IDO2: variants seen among roughly 807,000 people sequenced by gnomAD.
IDO2 encodes the protein indoleamine 2,3-dioxygenase 2, also known as indoleamine 2,3-dioxygenase-like 1 protein.
A neutral mutation model predicts 45.1 loss-of-function variants in IDO2; 46 were observed. The observed-to-expected ratio is 1.02, with a 90% CI of 0.80 to 1.30. The LOEUF is 1.30. IDO2 is among the 50% of genes most tolerant of loss of function. The pLI, the probability that IDO2 is intolerant of heterozygous loss-of-function variation, is 0.00. For synonymous variants in IDO2, 218 were observed against 184.9 expected (o/e 1.18, Z -1.45); for missense variants, 544 against 491.8 (o/e 1.11, Z -1.00).
chr8:39,959,194 G>A (rs899927454), intron 2 of IDO2, among the ~76,000 whole-genome samples: 4 of 150,454 alleles, frequency 2.7e-5, no homozygotes, highest in Non-Finnish European at 4.4e-5. Flanking sequence ...TGCAAGCTCT[G>A]CCTCCCAGGT....
At chr8:39,941,204 A>G (rs1189643142) in intron 1 of IDO2, among the ~76,000 whole-genome samples, 3 of 135,664 alleles carry the variant, frequency 2.2e-5, no homozygotes, top group Non-Finnish European at 4.6e-5. Flanking sequence ...CCTGGGTGAC[A>G]AAGCAAGACT....
chr8:39,951,505 C>T (rs1039705049), intron 2 of IDO2, among the ~76,000 whole-genome samples: 4 of 152,162 alleles, frequency 2.6e-5, no homozygotes, highest in African/African-American at 4.8e-5. Flanking sequence ...CTAAGTTGCA[C>T]TTAATAGCTC....
At chr8:39,958,666 G>A (rs1243010125) in intron 2 of IDO2, among the ~76,000 whole-genome samples, 2 of 152,066 alleles carry the variant, frequency 1.3e-5, no homozygotes, top group African/African-American at 4.8e-5. Context: ...GGCCAGGCTC[G>A]TCTTGAACCT....
intron 9 of IDO2, among the ~76,000 whole-genome samples, chr8:40,010,802 A>G (rs1157689223): frequency 6.6e-6 from 1 of 152,218 alleles, no homozygotes; most frequent in Non-Finnish European, 1.5e-5. Context: ...CAGTTTGGGG[A>G]CACGGTCATA....
At chr8:40,009,959 G>GGCAC (rs1802285844) in intron 9 of IDO2, among the ~76,000 whole-genome samples, 1 of 152,106 alleles carries the variant, frequency 6.6e-6, no homozygotes, top group African/African-American at 2.4e-5. Context: ...CCTACCCCAT[G>GGCAC]TCAGTTCTAG....
chr8:39,935,492 C>T (rs1326709616), intron 1 of IDO2, among the ~76,000 whole-genome samples: 8 of 151,926 alleles, frequency 5.3e-5, no homozygotes, highest in Non-Finnish European at 1.0e-4. Context: ...ACTCTGTTGC[C>T]AGGCTGGAGT....
At chr8:40,013,352 A>G (rs1802336199) in intron 9 of IDO2, among the ~76,000 whole-genome samples, 2 of 152,170 alleles carry the variant, frequency 1.3e-5, no homozygotes, top group African/African-American at 4.8e-5. Context: ...CCTTTAGATG[A>G]GGAAGAAAAG....
chr8:39,947,171 CAAAAAAAA>C (rs55785952), intron 1 of IDO2, among the ~76,000 whole-genome samples: 8 of 80,018 alleles, frequency 1.0e-4, no homozygotes, highest in South Asian at 5.6e-4. Flanking sequence ...GCTAAGGTAT[CAAAAAAAA>C]AAAAAAAAAA....
intron 3 of IDO2, among the ~76,000 whole-genome samples, chr8:39,975,598 A>G (rs937114248): frequency 6.6e-6 from 1 of 152,198 alleles, no homozygotes; most frequent in Non-Finnish European, 1.5e-5. Context: ...TTATAACCAT[A>G]CAACTGAAAA....
intron 3 of IDO2, among the ~76,000 whole-genome samples, chr8:39,974,562 C>T (rs539618651): frequency 6.6e-6 from 1 of 152,290 alleles, no homozygotes; most frequent in South Asian, 2.1e-4. Flanking sequence ...GTGGGTGGAT[C>T]ACCTGAGATC....
At chr8:39,966,340 T>C (rs930211071) in intron 3 of IDO2, among the ~76,000 whole-genome samples, 2 of 152,160 alleles carry the variant, frequency 1.3e-5, no homozygotes, top group Non-Finnish European at 2.9e-5. Context: ...ATCCCTACTC[T>C]TAATTGCCTG....
At chr8:39,937,940 T>A (rs4144406) in intron 1 of IDO2, among the ~76,000 whole-genome samples, 121,259 of 152,124 alleles carry the variant, frequency 0.8, 49,272 homozygotes, top group South Asian at 0.87. Context: ...ATGCAAACAA[T>A]CTTATTGCAT....
intron 8 of IDO2, among the ~76,000 whole-genome samples, chr8:40,001,597 T>C (rs1386728464): frequency 6.6e-6 from 1 of 152,016 alleles, no homozygotes; most frequent in East Asian, 1.9e-4. Context: ...CTTGTTTTTT[T>C]TAATGTTTTT....
At chr8:40,009,854 C>T (rs1470761554) in intron 9 of IDO2, among the ~76,000 whole-genome samples, 1 of 152,176 alleles carries the variant, frequency 6.6e-6, no homozygotes, top group Non-Finnish European at 1.5e-5. Flanking sequence ...CACGTTCTTT[C>T]AAGAACTATG....
At chr8:39,985,723 A>G (rs1297259642) in intron 6 of IDO2, 14 of 554,658 alleles carry the variant, frequency 2.5e-5, no homozygotes, top group African/African-American at 1.9e-5. Flanking sequence ...CCTTGTATAG[A>G]TAAGGGATTT....
At chr8:40,011,549 G>A (rs563265238) in intron 9 of IDO2, among the ~76,000 whole-genome samples, 2 of 152,118 alleles carry the variant, frequency 1.3e-5, no homozygotes, top group Non-Finnish European at 2.9e-5. Context: ...AACAGCTGTA[G>A]GAAGCAAATA....
At chr8:39,979,639 C>T (rs1376318009) in intron 4 of IDO2, among the ~76,000 whole-genome samples, 2 of 152,178 alleles carry the variant, frequency 1.3e-5, no homozygotes, top group Non-Finnish European at 2.9e-5. Flanking sequence ...AGGCGTGAGC[C>T]ACTGCGTTCA....
exon 4 of IDO2, chr8:39,979,177 G>T: frequency 6.3e-7 from 1 of 1,586,474 alleles, no homozygotes. Context: ...GAGAGGCGCA[G>T]CCTGCAGAGG....
intron 8 of IDO2, among the ~76,000 whole-genome samples, chr8:39,990,553 C>T (rs1347191217): frequency 1.3e-5 from 2 of 152,222 alleles, no homozygotes; most frequent in Non-Finnish European, 2.9e-5. Flanking sequence ...ACGACATCTG[C>T]CCAGCAACTG....
Sources: allele counts gnomAD v4.1 joint callset (sites outside exome capture counted in the v4.1 genomes callset), GRCh38; gene constraint gnomAD v4.1.1; transcripts MANE v1.5; gene names NCBI Gene and HGNC (gene_info 2026-07-23, HGNC 2026-07-21).